Variants in PRUNE2 observed in about 807,000 individuals in gnomAD.
PRUNE2 encodes the protein prune homolog 2 with BCH domain, also known as protein prune homolog 2.
In PRUNE2, 164 loss-of-function variants were observed where a neutral mutation model predicts 252.0. The observed-to-expected ratio is 0.65, with a 90% CI of 0.57 to 0.74. The LOEUF (loss-of-function observed/expected upper bound fraction) is 0.74. PRUNE2 is among the 30% of genes least tolerant of loss of function. The pLI, the probability that PRUNE2 is intolerant of heterozygous loss-of-function variation, is 0.00. For synonymous variants in PRUNE2, 1,292 were observed against 1,350.2 expected (o/e 0.96, Z 0.94); for missense variants, 3,495 against 3,711.0 (o/e 0.94, Z 1.51).
intron 4 of PRUNE2, among the ~76,000 whole-genome samples, chr9:76,828,960 T>C (rs1167735650): frequency 1.4e-5 from 2 of 138,748 alleles, no homozygotes; most frequent in Non-Finnish European, 3.0e-5. Context: ...GAGGTTGCAG[T>C]GAGCTAAGAT....
At chr9:76,829,857 A>G (rs551120947) in intron 4 of PRUNE2, among the ~76,000 whole-genome samples, 4 of 152,072 alleles carry the variant, frequency 2.6e-5, no homozygotes, top group Admixed American at 2.6e-4. Context: ...TCATCTCCAC[A>G]TTTTTCATAT....
intron 2 of PRUNE2, 28 bp downstream of exon 2, chr9:76,854,076 T>C (rs1320127353): frequency 9.3e-7 from 1 of 1,070,372 alleles, no homozygotes; most frequent in Non-Finnish European, 1.4e-6. Flanking sequence ...ATTCAAAATA[T>C]AAGGAGTATT....
chr9:76,693,439 C>CTTTTTTTTT (rs550030416), intron 9 of PRUNE2, among the ~76,000 whole-genome samples: 2,160 of 107,570 alleles, frequency 0.02, 100 homozygotes, highest in East Asian at 0.074. Flanking sequence ...AGCACCTACT[C>CTTTTTTTTT]TTTTTTTTTT....
chr9:76,864,792 A>G (rs2060745794), intron 1 of PRUNE2, among the ~76,000 whole-genome samples: 1 of 152,224 alleles, frequency 6.6e-6, no homozygotes, highest in African/African-American at 2.4e-5. Flanking sequence ...ATTAGTAGTC[A>G]TGGAAATGCA....
At chr9:76,643,025 C>T (rs565920080) in intron 12 of PRUNE2, among the ~76,000 whole-genome samples, 7 of 152,250 alleles carry the variant, frequency 4.6e-5, no homozygotes, top group East Asian at 1.9e-4. Flanking sequence ...GTGGCAGGGA[C>T]GGAGAGCACA....
At chr9:76,902,823 C>T (rs138570111) in intron 1 of PRUNE2, among the ~76,000 whole-genome samples, 1 of 152,288 alleles carries the variant, frequency 6.6e-6, no homozygotes, top group East Asian at 1.9e-4. Context: ...TGAGGCCACA[C>T]CTGGAGTTTA....
At chr9:76,876,844 T>G (rs377444668) in intron 1 of PRUNE2, among the ~76,000 whole-genome samples, 2 of 152,160 alleles carry the variant, frequency 1.3e-5, no homozygotes, top group South Asian at 4.2e-4. Context: ...TCTAGAGAAA[T>G]GCTAATCAAA....
intron 1 of PRUNE2, among the ~76,000 whole-genome samples, chr9:76,903,679 C>G (rs527820752): frequency 2.6e-5 from 4 of 152,142 alleles, no homozygotes; most frequent in Admixed American, 2.6e-4. Context: ...CCTCCGCCTC[C>G]GAGGTTCAAG....
intron 9 of PRUNE2, among the ~76,000 whole-genome samples, chr9:76,701,398 G>A (rs115013324): frequency 0.013 from 1,966 of 152,336 alleles, 40 homozygotes; most frequent in African/African-American, 0.043. Context: ...AGAAAGGGAT[G>A]AGCAAAGAAA....
chr9:76,781,088 T>C (rs2054338629), intron 6 of PRUNE2, among the ~76,000 whole-genome samples: 2 of 152,300 alleles, frequency 1.3e-5, no homozygotes, highest in Middle Eastern at 6.8e-3. Context: ...TAAAAATGTA[T>C]CTTGAATTTT....
At chr9:76,658,658 C>A (rs1193982744) in intron 9 of PRUNE2, among the ~76,000 whole-genome samples, 1 of 152,152 alleles carries the variant, frequency 6.6e-6, no homozygotes, top group East Asian at 1.9e-4. Flanking sequence ...CTATCTGTAG[C>A]CTCTACTTAA....
intron 9 of PRUNE2, among the ~76,000 whole-genome samples, chr9:76,693,202 T>C (rs1179779352): frequency 3.3e-5 from 5 of 152,004 alleles, no homozygotes; most frequent in African/African-American, 1.2e-4. Flanking sequence ...ATATATATTA[T>C]CAGATAAACC....
At chr9:76,845,353 T>G (rs1396846904) in intron 4 of PRUNE2, among the ~76,000 whole-genome samples, 1 of 152,246 alleles carries the variant, frequency 6.6e-6, no homozygotes, top group Non-Finnish European at 1.5e-5. Flanking sequence ...TCTCTAGTGC[T>G]TGGCTGCACC....
rs2046095370 is a variant in PRUNE2 at position 76,703,863 on chromosome 9, T to C, written c.7750A>G (p.Thr2584Ala). The C allele has an allele frequency of 1.2e-6, 2 of 1,613,826 alleles. No homozygotes were observed. The highest frequency in any genetic ancestry group is 1.6e-4 in the Middle Eastern group (1 of 6,084). ...ELELYVGSKE[T>A]GLQGTQLASF... ...GCTAACTGAGTTCCCTGCAGCCCTGTTTCTTTGGAACCTACATACAATTCT... is the reference window on the plus strand; with the variant it reads ...GCTAACTGAGTTCCCTGCAGCCCTGCTTCTTTGGAACCTACATACAATTCT... The change falls in exon 9 of 19, where the codon ACA (threonine) becomes GCA (alanine). Residue 2584 changes from threonine (T) to alanine (A), a missense_variant. By Grantham distance (58) the Thr-to-Ala change is moderately conservative (BLOSUM62 0). Coordinates refer to ENST00000376718, the MANE Select transcript of PRUNE2 (RefSeq NM_015225.3).
At chr9:76,887,696 C>T (rs2062187189) in intron 1 of PRUNE2, among the ~76,000 whole-genome samples, 1 of 152,206 alleles carries the variant, frequency 6.6e-6, no homozygotes. Flanking sequence ...CTCTCTTCTT[C>T]TACCCATGAG....
intron 1 of PRUNE2, among the ~76,000 whole-genome samples, chr9:76,886,431 A>G (rs1382381269): frequency 6.6e-6 from 1 of 152,196 alleles, no homozygotes; most frequent in Non-Finnish European, 1.5e-5. Flanking sequence ...TTGTCAGGCC[A>G]GAAGCCTCAT....
At position 76,704,771 on chromosome 9, in the gene PRUNE2, T is replaced by G; in HGVS notation, c.7503A>C (p.Gly2501=). 1 of 1,550,258 alleles carries G rather than the reference T, an allele frequency of 6.5e-7. No individual in the cohort carries two copies. Among genetic ancestry groups the G allele is most frequent in the Non-Finnish European group, 8.7e-7 (1 of 1,143,666 alleles). The change falls in exon 8 of 19, where the codon GGA becomes GGC. Residue 2501 remains glycine, a synonymous_variant. Transcript: ENST00000376718. Reference sequence around the variant, plus strand: ...TGGAATGTTTCTTACCATTTGGTGGTCCTATGTCTCCACCTGCTGGTAAAT... The same window carrying G: ...TGGAATGTTTCTTACCATTTGGTGGGCCTATGTCTCCACCTGCTGGTAAAT... The part of the protein sequence containing the change: ...NSDLPAGGDI[G]PPNGASKEIS...
intron 15 of PRUNE2, among the ~76,000 whole-genome samples, chr9:76,630,741 TGGTCTC>T (rs1837260124): frequency 6.6e-6 from 1 of 152,224 alleles, no homozygotes; most frequent in Non-Finnish European, 1.5e-5. Context: ...TTAGCCAGGA[TGGTCTC>T]CATCTCCTGA....
intron 6 of PRUNE2, among the ~76,000 whole-genome samples, chr9:76,807,188 G>A (rs1338859148): frequency 6.6e-6 from 1 of 151,234 alleles, no homozygotes; most frequent in Non-Finnish European, 1.5e-5. Context: ...TCCCACCTCA[G>A]CCAGCCTCCA....
Sources: allele counts gnomAD v4.1 joint callset (sites outside exome capture counted in the v4.1 genomes callset), GRCh38; gene constraint gnomAD v4.1.1; transcripts MANE v1.5; gene names NCBI Gene and HGNC (gene_info 2026-07-23, HGNC 2026-07-21).